The following LVRN variants were observed in gnomAD, a reference collection of about 807,000 sequenced individuals.
LVRN encodes the protein aminopeptidase Q.
LVRN carries 99 observed loss-of-function variants against 111.4 expected under a neutral mutation model. That is an observed-to-expected ratio of 0.89 (90% CI 0.76 to 1.05). The LOEUF (loss-of-function observed/expected upper bound fraction) is 1.05, where lower values mean the gene tolerates loss of function less well. LVRN is among the 50% of genes least tolerant of loss of function. The probability of loss-of-function intolerance (pLI) is 0.00; values close to 1 mark genes in which losing one functional copy is unlikely to be tolerated. For synonymous variants in LVRN, 488 were observed against 449.5 expected, an observed-to-expected ratio of 1.09 and a Z score of -1.08; for missense variants, 1,414 against 1,206.8, an observed-to-expected ratio of 1.17 and a Z score of -2.54.
intron 7 of LVRN, 99 bp from the exon 8 acceptor site, chr5:116,000,334 A>T (rs79210045): frequency 1.8e-5 from 27 of 1,493,616 alleles, no homozygotes; most frequent in Non-Finnish European, 2.3e-5. Context: ...GCAAAATGCA[A>T]TCAGGAGCAC....
chr5:116,018,835 A>AT (rs1165909052), intron 18 of LVRN, among the ~76,000 whole-genome samples: 1 of 152,118 alleles, frequency 6.6e-6, no homozygotes, highest in African/African-American at 2.4e-5. Flanking sequence ...TTTTCAGTTG[A>AT]TTTTTAAGAA....
chr5:115,984,518 A>T (rs78947008), intron 2 of LVRN, 52 bp from the exon 3 acceptor site: 96,869 of 1,590,302 alleles, frequency 0.061, 3,864 homozygotes, highest in East Asian at 0.21. Flanking sequence ...TATTTCAAAG[A>T]CATGTAATTG....
chr5:116,023,747 T>C (rs1561572153), intron 19 of LVRN: 1 of 152,126 alleles, frequency 6.6e-6, no homozygotes, highest in Non-Finnish European at 1.5e-5. Flanking sequence ...CCCAGTAGCA[T>C]AGGTAAAATT....
chr5:116,000,011 T>G, intron 7 of LVRN, 109 bp downstream of exon 7: 1 of 1,253,718 alleles, frequency 8.0e-7, no homozygotes, highest in Non-Finnish European at 1.1e-6. Flanking sequence ...TTTATGAAAA[T>G]AACCTTATTT....
intron 3 of LVRN, among the ~76,000 whole-genome samples, chr5:115,986,673 A>G (rs562246595): frequency 1.3e-5 from 2 of 152,226 alleles, no homozygotes; most frequent in Non-Finnish European, 2.9e-5. Context: ...CAAATTTCTC[A>G]TTAAGTAACA....
intron 6 of LVRN, among the ~76,000 whole-genome samples, chr5:115,997,663 A>C (rs1748145977): frequency 6.6e-6 from 1 of 151,984 alleles, no homozygotes; most frequent in Admixed American, 6.6e-5. Flanking sequence ...GACTCTCCAA[A>C]AAAAAAAAGG....
intron 3 of LVRN, among the ~76,000 whole-genome samples, chr5:115,985,710 C>G (rs1256717038): frequency 1.3e-5 from 2 of 152,214 alleles, no homozygotes; most frequent in Non-Finnish European, 2.9e-5. Context: ...TGTGTAAAGT[C>G]AGCACTCTGT....
chr5:116,013,033 G>A (rs575270662), intron 15 of LVRN, among the ~76,000 whole-genome samples: 1 of 152,202 alleles, frequency 6.6e-6, no homozygotes, highest in African/African-American at 2.4e-5. Flanking sequence ...GCAAAATGGG[G>A]TGGTAGTATT....
At chr5:115,984,387 C>T (rs1747801660) in intron 2 of LVRN, among the ~76,000 whole-genome samples, 183 bp from the exon 3 acceptor site, 1 of 152,238 alleles carries the variant, frequency 6.6e-6, no homozygotes, top group South Asian at 2.1e-4. Context: ...GCCCAAGATG[C>T]TGTTCTGAGA....
At chr5:115,987,712 G>A (rs540602825) in intron 3 of LVRN, 101 bp from the exon 4 acceptor site, 1 of 1,379,628 alleles carries the variant, frequency 7.2e-7, no homozygotes, top group South Asian at 1.4e-5. Context: ...TTCTGGAAAG[G>A]TAAGACTTTG....
intron 12 of LVRN, among the ~76,000 whole-genome samples, chr5:116,005,502 A>G (rs1343838418): frequency 6.6e-6 from 1 of 152,268 alleles, no homozygotes; most frequent in African/African-American, 2.4e-5. Flanking sequence ...CAATGTTACC[A>G]AAATAGCGCT....
chr5:116,009,091 T>G (rs1230375409), intron 13 of LVRN, among the ~76,000 whole-genome samples: 1 of 152,178 alleles, frequency 6.6e-6, no homozygotes, highest in African/African-American at 2.4e-5. Context: ...TAGCTTTAAG[T>G]TGAAGCCAAT....
intron 10 of LVRN, 116 bp downstream of exon 10, chr5:116,001,355 A>G (rs1748236018): frequency 2.2e-5 from 26 of 1,202,292 alleles, no homozygotes; most frequent in Non-Finnish European, 3.0e-5. Context: ...CACTTCTGCA[A>G]TGTGACTGTG....
Position 115,987,953 on chromosome 5 carries a change from T to C in LVRN, c.1105+14T>C. The C allele has an allele frequency of 6.2e-7, 1 of 1,605,638 alleles. No homozygotes were observed. The highest frequency in any genetic ancestry group is 8.5e-7 in the Non-Finnish European group (1 of 1,177,238). On this transcript the variant is annotated intron_variant, in intron 4 of 19. Coordinates refer to ENST00000357872, the MANE Select transcript of LVRN (RefSeq NM_173800.5). ...TTCCAAAAACAGGTGAGGTAATCTT[T>C]TCCTTTCAGTGCATTTGGTTTCCTG...
At chr5:116,014,841 T>G (rs1233315187) in intron 16 of LVRN, among the ~76,000 whole-genome samples, 1 of 152,108 alleles carries the variant, frequency 6.6e-6, no homozygotes, top group Non-Finnish European at 1.5e-5. Flanking sequence ...TGATTGTTTA[T>G]GATTGTTATA....
chr5:116,015,878 CT>C, intron 18 of LVRN, 113 bp downstream of exon 18: 1 of 1,288,862 alleles, frequency 7.8e-7, no homozygotes, highest in Non-Finnish European at 1.0e-6. Context: ...CACAAACGTC[CT>C]TTGCATTGAC....
chr5:115,984,531 T>G lies in LVRN; in HGVS notation c.839-39T>G. ...ATTATTTCAAAGACATGTAATTGCT[T>G]AGATTTGCTGTGATTTGAACTAAAA... On this transcript the variant is annotated intron_variant, in intron 2 of 19. Transcript: ENST00000357872. The G allele has an allele frequency of 2.5e-6, 4 of 1,606,492 alleles. No homozygotes were observed. The South Asian group carries it at 4.4e-5, about 18-fold the overall frequency.
At chr5:116,014,652 A>G (rs1052339157) in intron 16 of LVRN, 125 bp downstream of exon 16, 2 of 722,362 alleles carry the variant, frequency 2.8e-6, no homozygotes, top group African/African-American at 3.6e-5. Context: ...CTCTCCTACT[A>G]TTCTTTTCAA....
chr5:115,977,719 T>A (rs1753477485), intron 1 of LVRN, among the ~76,000 whole-genome samples: 1 of 152,210 alleles, frequency 6.6e-6, no homozygotes, highest in Admixed American at 6.5e-5. Context: ...GTGCACTTGC[T>A]GGTCGTCTAA....
Sources: allele counts gnomAD v4.1 joint callset (sites outside exome capture counted in the v4.1 genomes callset), GRCh38; gene constraint gnomAD v4.1.1; transcripts MANE v1.5; gene names NCBI Gene and HGNC (gene_info 2026-07-23, HGNC 2026-07-21).